WBP2NL: variants seen among roughly 807,000 people sequenced by gnomAD.
WBP2NL encodes the protein WBP2 N-terminal like, also known as postacrosomal sheath WW domain-binding protein.
WBP2NL carries 27 observed loss-of-function variants against 23.3 expected under a neutral mutation model. That is an observed-to-expected ratio of 1.16 (90% CI 0.85 to 1.60). WBP2NL has a LOEUF of 1.60. Among genes scored for constraint, WBP2NL ranks in the 40% most tolerant of loss-of-function variants. The pLI is 0.00. For synonymous variants in WBP2NL, 151 were observed against 145.9 expected, an observed-to-expected ratio of 1.03 and a Z score of -0.25; for missense variants, 370 against 389.5, an observed-to-expected ratio of 0.95 and a Z score of 0.42.
intron 1 of WBP2NL, among the ~76,000 whole-genome samples, chr22:42,015,684 G>A (rs1569448533): frequency 6.6e-6 from 1 of 152,118 alleles, no homozygotes; most frequent in Non-Finnish European, 1.5e-5. Context: ...TTACAGGCGT[G>A]AGCCACCGCA....
chr22:42,037,128 TTGTGTGTGTGTGTGTGTGTG>T (rs3045493), downstream of WBP2NL, among the ~76,000 whole-genome samples: 2 of 148,090 alleles, frequency 1.4e-5, no homozygotes, highest in Admixed American at 1.4e-4. Flanking sequence ...CAGATTTCAT[TTGTGTGTGTGTGTGTGTGTG>T]TGTGTGTGTG....
chr22:42,051,241 A>G (rs1925828366), intron 8 of WBP2NL, among the ~76,000 whole-genome samples: 2 of 152,238 alleles, frequency 1.3e-5, no homozygotes, highest in South Asian at 4.1e-4. Flanking sequence ...AAAGAAGCCA[A>G]TCTGAAAGGC....
At chr22:42,043,620 A>G (rs1246395092) in intron 8 of WBP2NL, among the ~76,000 whole-genome samples, 1 of 152,220 alleles carries the variant, frequency 6.6e-6, no homozygotes, top group Non-Finnish European at 1.5e-5. Flanking sequence ...GCCAGCAACC[A>G]TTCTGGATCA....
At chr22:42,018,547 G>T (rs754378562) in intron 1 of WBP2NL, among the ~76,000 whole-genome samples, 2 of 152,158 alleles carry the variant, frequency 1.3e-5, no homozygotes, top group African/African-American at 2.4e-5. Flanking sequence ...AGCAGGATTT[G>T]ATGAGTGACA....
chr22:42,017,390 G>A (rs183832186), intron 1 of WBP2NL, among the ~76,000 whole-genome samples: 274 of 152,258 alleles, frequency 1.8e-3, no homozygotes, highest in African/African-American at 6.4e-3. Context: ...GATTACAGGC[G>A]TGAGCCACTG....
intron 8 of WBP2NL, among the ~76,000 whole-genome samples, chr22:42,038,922 T>A (rs1221104693): frequency 1.3e-5 from 2 of 151,566 alleles, no homozygotes; most frequent in Admixed American, 1.3e-4. Flanking sequence ...TTTTTCTTTT[T>A]CGAGATAGGG....
chr22:42,058,231 A>G (rs1926168153), intron 8 of WBP2NL: 1 of 151,820 alleles, frequency 6.6e-6, no homozygotes, highest in Non-Finnish European at 1.5e-5. Context: ...ATGTATTTTT[A>G]AAGCCCTTAT....
chr22:42,035,764 A>G (rs773878949), downstream of WBP2NL, among the ~76,000 whole-genome samples: 3 of 152,176 alleles, frequency 2.0e-5, no homozygotes, highest in Non-Finnish European at 4.4e-5. Context: ...TAACATATCT[A>G]TTACCTGTAT....
At position 42,025,207 on chromosome 22, in the gene WBP2NL, A is replaced by C. The variant is rs574752498; in HGVS notation, c.515-1559A>C. On this transcript the variant is annotated intron_variant, in intron 5 of 5. Coordinates refer to ENST00000328823, the MANE Select transcript of WBP2NL (RefSeq NM_152613.3). The stretch of plus-strand genomic sequence containing the variant: ...AGAATTCGTTGCCAAATCCAATGTC[A>C]TGAAGATTTATCCCTGTTTTCTTCT... 9.2e-5 allele frequency among the ~76,000 whole-genome samples: 14 copies of C among 152,284 alleles called. 1 individual carries two copies. In the East Asian group the frequency reaches 2.1e-3, roughly 23 times the overall value.
intron 1 of WBP2NL, among the ~76,000 whole-genome samples, chr22:42,013,660 A>C (rs915341548): frequency 1.3e-5 from 2 of 152,132 alleles, no homozygotes; most frequent in Non-Finnish European, 2.9e-5. Context: ...CGTAGGCTGG[A>C]GTGCAGTGGC....
At chr22:42,056,548 T>C (rs1926037779) in intron 8 of WBP2NL, among the ~76,000 whole-genome samples, 1 of 152,212 alleles carries the variant, frequency 6.6e-6, no homozygotes, top group South Asian at 2.1e-4. Flanking sequence ...TAGTATTTTA[T>C]GTAGGGCAGG....
intron 8 of WBP2NL, among the ~76,000 whole-genome samples, chr22:42,041,374 C>T (rs1222830020): frequency 2.7e-5 from 4 of 150,138 alleles, no homozygotes; most frequent in East Asian, 2.0e-4. Flanking sequence ...CCCAGCTACT[C>T]GGGGGGCTGA....
In WBP2NL at chr22:42,028,274, A is replaced by G. The variant is rs1379233957; in HGVS notation, c.*1093A>G. ...ATATACTATAGTGATTTTCAGCCTCATCAGACTGAATGCCCCATTTTATAA... is the reference window on the plus strand; with the variant it reads ...ATATACTATAGTGATTTTCAGCCTCGTCAGACTGAATGCCCCATTTTATAA... On this transcript the variant is annotated 3_prime_UTR_variant, in exon 6 of 6. Coordinates refer to ENST00000328823, the MANE Select transcript of WBP2NL (RefSeq NM_152613.3). 4 of 393,524 alleles carry G rather than the reference A, an allele frequency of 1.0e-5. No individual in the cohort carries two copies. Among genetic ancestry groups the G allele is most frequent in the African/African-American group, 6.2e-5 (3 of 48,664 alleles). 24.4% of individuals were successfully genotyped at this position (393,524 alleles called of 1,614,324 possible).
intron 5 of WBP2NL, among the ~76,000 whole-genome samples, chr22:42,023,640 C>T (rs1053305035): frequency 6.7e-5 from 10 of 149,706 alleles, no homozygotes; most frequent in Non-Finnish European, 8.9e-5. Flanking sequence ...TACCGGCGCC[C>T]GCCACCACGC....
chr22:42,006,076 C>A (rs1569445896), intron 1 of WBP2NL, among the ~76,000 whole-genome samples: 1 of 152,164 alleles, frequency 6.6e-6, no homozygotes, highest in South Asian at 2.1e-4. Flanking sequence ...CCCAAGAAAG[C>A]TTTACTAGAG....
At chr22:42,016,031 G>C (rs1045064778) in intron 1 of WBP2NL, among the ~76,000 whole-genome samples, 1 of 151,814 alleles carries the variant, frequency 6.6e-6, no homozygotes, top group Non-Finnish European at 1.5e-5. Context: ...CCCCAGGCTG[G>C]AGTGCAATGG....
rs1472670191 is a variant in WBP2NL, at chr22:42,028,109, T to C, written c.*928T>C. The C allele has an allele frequency of 5.0e-6, 2 of 398,526 alleles. No homozygotes were observed. The highest frequency in any genetic ancestry group is 8.8e-5 in the Admixed American group (2 of 22,738). 24.7% of individuals were successfully genotyped at this position (398,526 alleles called of 1,614,324 possible). A position where few individuals can be genotyped will look rare whatever the true frequency, so the allele number is the denominator to read the frequency against. On this transcript the variant is annotated 3_prime_UTR_variant, in exon 6 of 6. Transcript: ENST00000328823. Reference sequence around the variant, plus strand: ...ATGTGGGAAGATTTCATTATATTCATTGTTTCTAACAGCACAAAATTAGAA... The same window carrying C: ...ATGTGGGAAGATTTCATTATATTCACTGTTTCTAACAGCACAAAATTAGAA...
chr22:42,026,457 TTCC>T (rs1244830339), intron 5 of WBP2NL, among the ~76,000 whole-genome samples: 7 of 152,074 alleles, frequency 4.6e-5, no homozygotes, highest in Non-Finnish European at 7.4e-5. Context: ...CAAACGCATA[TTCC>T]TCATTAAGCA....
At chr22:42,019,968 A>G (rs942768650) in intron 3 of WBP2NL, 36 bp from the exon 4 acceptor site, 8 of 1,606,694 alleles carry the variant, frequency 5.0e-6, no homozygotes, top group African/African-American at 2.7e-5. Context: ...CAGCTATGCC[A>G]GTTTCTTGGT....
Sources: allele counts gnomAD v4.1 joint callset (sites outside exome capture counted in the v4.1 genomes callset), GRCh38; gene constraint gnomAD v4.1.1; transcripts MANE v1.5; gene names NCBI Gene and HGNC (gene_info 2026-07-23, HGNC 2026-07-21).